CSMD3: variants seen among roughly 807,000 people sequenced by gnomAD.
The protein encoded by CSMD3 is CUB and Sushi multiple domains 3.
Under a neutral mutation model 435.2 loss-of-function variants are expected in CSMD3, and 177 were observed. That is an observed-to-expected ratio of 0.41 (90% CI 0.36 to 0.46). The LOEUF is 0.46. CSMD3 is among the 20% of genes least tolerant of loss of function. CSMD3 has a pLI of 0.34. For synonymous variants in CSMD3, 1,656 were observed against 1,520.5 expected, an observed-to-expected ratio of 1.09 and a Z score of -2.07; for missense variants, 4,265 against 4,504.6, an observed-to-expected ratio of 0.95 and a Z score of 1.52.
chr8:112,601,314 A>T (rs753999984), intron 22 of CSMD3, among the ~76,000 whole-genome samples: 5 of 152,062 alleles, frequency 3.3e-5, no homozygotes, highest in Non-Finnish European at 7.4e-5. Context: ...GTTTTGGAGG[A>T]TAAATTTAAA....
At chr8:112,648,939 A>T (rs1320250729) in intron 19 of CSMD3, among the ~76,000 whole-genome samples, 2 of 152,164 alleles carry the variant, frequency 1.3e-5, no homozygotes, top group African/African-American at 4.8e-5. Context: ...TAGTTTAGAT[A>T]TGGATGAATT....
At chr8:112,550,076 A>G (rs1827544746) in intron 27 of CSMD3, among the ~76,000 whole-genome samples, 1 of 152,058 alleles carries the variant, frequency 6.6e-6, no homozygotes, top group Non-Finnish European at 1.5e-5. Flanking sequence ...AGAACAACAT[A>G]TATTTAGCCA....
intron 1 of CSMD3, among the ~76,000 whole-genome samples, chr8:113,397,588 C>A (rs978284341): frequency 2.6e-5 from 4 of 151,804 alleles, no homozygotes; most frequent in Non-Finnish European, 5.9e-5. Context: ...GAGGCCGAGG[C>A]GGGGGAACAC....
At chr8:112,795,328 A>G (rs1325027412) in intron 13 of CSMD3, among the ~76,000 whole-genome samples, 2 of 152,142 alleles carry the variant, frequency 1.3e-5, no homozygotes, top group African/African-American at 4.8e-5. Flanking sequence ...GGAAAAAAAA[A>G]CTATGAATAC....
Position 113,311,568 on chromosome 8 carries a change from A to T in CSMD3, c.401+3003T>A, listed in dbSNP as rs1427687243. 3 of 152,176 alleles carry T rather than the reference A, an allele frequency of 2.0e-5. No homozygotes were observed. In the East Asian group the frequency reaches 5.8e-4, roughly 29 times the overall value. The allele number at this position is 152,176 out of a possible 1,614,324, so 9.4% of individuals were successfully genotyped here. A position where few individuals can be genotyped will look rare whatever the true frequency, so the allele number is the denominator to read the frequency against. The stretch of plus-strand genomic sequence containing the variant: ...CCATAAGGACATGCATTAAGTGAGA[A>T]TATGATCCAATATGAGAGAAACAAA... On this transcript the variant is annotated intron_variant, in intron 2 of 70. Coordinates refer to ENST00000297405, the MANE Select transcript of CSMD3 (RefSeq NM_198123.2).
chr8:112,800,129 G>C (rs2078926479), intron 13 of CSMD3, 33 bp downstream of exon 13: 2 of 1,369,890 alleles, frequency 1.5e-6, no homozygotes, highest in African/African-American at 2.9e-5. Flanking sequence ...GTGGTATTAA[G>C]ATAACATTTC....
chr8:112,657,948 T>C (rs1360951408), intron 17 of CSMD3, among the ~76,000 whole-genome samples: 1 of 152,232 alleles, frequency 6.6e-6, no homozygotes, highest in Admixed American at 6.5e-5. Context: ...GGTTAAGCAG[T>C]GTGTTTTTGT....
At chr8:112,636,196 G>C (rs994793212) in intron 22 of CSMD3, among the ~76,000 whole-genome samples, 1 of 151,844 alleles carries the variant, frequency 6.6e-6, no homozygotes, top group Non-Finnish European at 1.5e-5. Flanking sequence ...AGATTGAGAT[G>C]GTGACTTCAC....
chr8:113,401,413 A>T (rs1014821752), intron 1 of CSMD3, among the ~76,000 whole-genome samples: 1 of 151,606 alleles, frequency 6.6e-6, no homozygotes, highest in Admixed American at 6.6e-5. Flanking sequence ...TTTTATAGTC[A>T]TTGATGATAA....
At chr8:112,291,340 T>C (rs952492028) in intron 56 of CSMD3, among the ~76,000 whole-genome samples, 170 bp downstream of exon 56, 6 of 152,072 alleles carry the variant, frequency 3.9e-5, no homozygotes, top group African/African-American at 1.2e-4. Flanking sequence ...AAAATTACAT[T>C]TGGACATTGA....
chr8:112,980,083 A>C (rs1342136484), intron 6 of CSMD3, among the ~76,000 whole-genome samples: 1 of 150,750 alleles, frequency 6.6e-6, no homozygotes, highest in Admixed American at 6.6e-5. Flanking sequence ...ATGTGTTTTC[A>C]AAAATTTTTT....
chr8:112,532,148 G>T (rs116791506), intron 27 of CSMD3, among the ~76,000 whole-genome samples: 1,708 of 152,010 alleles, frequency 0.011, 42 homozygotes, highest in African/African-American at 0.038. Flanking sequence ...AAGAATTCAT[G>T]ACATGGAAGA....
chr8:113,172,707 T>C (rs569886976), intron 4 of CSMD3, among the ~76,000 whole-genome samples: 28 of 152,298 alleles, frequency 1.8e-4, no homozygotes, highest in African/African-American at 6.5e-4. Context: ...CAGGAGGTTG[T>C]GGTGCATGTA....
At chr8:112,587,382 A>G (rs1830822864) in intron 22 of CSMD3, 147 bp from the exon 23 acceptor site, 1 of 627,648 alleles carries the variant, frequency 1.6e-6, no homozygotes, top group Admixed American at 2.4e-5. Flanking sequence ...GTTGTAAATG[A>G]TTAATTCCCT....
chr8:112,501,426 T>C (rs919071231), intron 30 of CSMD3, among the ~76,000 whole-genome samples: 13 of 149,032 alleles, frequency 8.7e-5, no homozygotes, highest in African/African-American at 3.2e-4. Flanking sequence ...AAAATCTCAG[T>C]ATGCAAAATA....
At chr8:112,447,484 C>T (rs1026659378) in intron 32 of CSMD3, among the ~76,000 whole-genome samples, 5 of 152,088 alleles carry the variant, frequency 3.3e-5, no homozygotes, top group African/African-American at 9.7e-5. Flanking sequence ...AAACTCAGTG[C>T]CCTTTTTAAC....
rs527783969 is a variant in CSMD3, at chr8:112,279,055, C to A, written c.9508+2119G>T. Reference sequence around the variant, plus strand: ...ACAACAACAACAACAACAACAACAACAAAACACTAGGATACAGGGAGAAGA... The same window carrying A: ...ACAACAACAACAACAACAACAACAAAAAAACACTAGGATACAGGGAGAAGA... On this transcript the variant is annotated intron_variant, in intron 59 of 70. Coordinates refer to ENST00000297405, the MANE Select transcript of CSMD3 (RefSeq NM_198123.2). Among the ~76,000 whole-genome samples, 15 of 144,452 alleles carry A rather than the reference C, an allele frequency of 1.0e-4. No individual in the cohort carries two copies. In the East Asian group the frequency reaches 1.2e-3, roughly 12 times the overall value. 94.8% of individuals were successfully genotyped at this position (144,452 alleles called of 152,430 possible).
Position 112,875,933 on chromosome 8 carries a change from T to C in CSMD3, c.1634-16667A>G, listed in dbSNP as rs554702684. On this transcript the variant is annotated intron_variant, in intron 10 of 70. Transcript: ENST00000297405. ...GCCTATTTCTGTCAATTTGTCAAAC[T>C]CATTCTCTATCCAGTTTTGTTCCCT... Among the ~76,000 whole-genome samples the C allele has an allele frequency of 4.3e-3, 649 of 152,286 alleles. 1 individual carries two copies. Among genetic ancestry groups the C allele is most frequent in the African/African-American group, 0.014 (571 of 41,568 alleles).
chr8:112,405,727 AAT>A (rs1831794897), intron 35 of CSMD3, among the ~76,000 whole-genome samples: 2 of 151,998 alleles, frequency 1.3e-5, no homozygotes, highest in Admixed American at 6.6e-5. Flanking sequence ...ATCTGTAACT[AAT>A]AGAGTAAGAA....
Sources: allele counts gnomAD v4.1 joint callset (sites outside exome capture counted in the v4.1 genomes callset), GRCh38; gene constraint gnomAD v4.1.1; transcripts MANE v1.5; gene names NCBI Gene and HGNC (gene_info 2026-07-23, HGNC 2026-07-21).